The following DSCAM variants were observed in gnomAD, a reference collection of about 807,000 sequenced individuals.
The protein encoded by DSCAM is DS cell adhesion molecule.
DSCAM carries 47 observed loss-of-function variants against 217.7 expected under a neutral mutation model. The ratio of observed to expected loss-of-function variants is 0.22; its 90% CI spans 0.17 to 0.28. The LOEUF (loss-of-function observed/expected upper bound fraction) is 0.28. DSCAM is among the 10% of genes least tolerant of loss of function. DSCAM has a pLI of 1.00. For synonymous variants in DSCAM, 1,056 were observed against 1,015.3 expected (o/e 1.04, Z -0.76); for missense variants, 2,080 against 2,618.3 (o/e 0.79, Z 4.49).
chr21:40,311,118 G>C (rs369270588), intron 9 of DSCAM, among the ~76,000 whole-genome samples: 314 of 152,270 alleles, frequency 2.1e-3, no homozygotes, highest in Middle Eastern at 6.8e-3. Flanking sequence ...TCCTGCTCAA[G>C]AAAGAGCTAT....
At chr21:40,467,960 C>T (rs1431778130) in intron 3 of DSCAM, among the ~76,000 whole-genome samples, 1 of 147,104 alleles carries the variant, frequency 6.8e-6, no homozygotes, top group East Asian at 2.0e-4. Context: ...AACTACATAG[C>T]TCCCTCACAA....
chr21:40,325,985 G>C (rs2074313172), intron 8 of DSCAM, among the ~76,000 whole-genome samples: 1 of 152,040 alleles, frequency 6.6e-6, no homozygotes, highest in South Asian at 2.1e-4. Context: ...GCTGGGTGGG[G>C]GGCAAACTAA....
At chr21:40,319,449 G>A (rs2074236002) in intron 8 of DSCAM, among the ~76,000 whole-genome samples, 1 of 152,164 alleles carries the variant, frequency 6.6e-6, no homozygotes, top group Admixed American at 6.6e-5. Context: ...GTGTGTGTGT[G>A]TGTATGTGTG....
intron 3 of DSCAM, among the ~76,000 whole-genome samples, chr21:40,546,530 C>A (rs2146144755): frequency 6.6e-6 from 1 of 152,308 alleles, no homozygotes; most frequent in Non-Finnish European, 1.5e-5. Context: ...GGTGACAATA[C>A]CTATGCCACC....
chr21:40,378,983 A>G (rs1205843213), intron 3 of DSCAM, among the ~76,000 whole-genome samples: 1 of 152,222 alleles, frequency 6.6e-6, no homozygotes, highest in Admixed American at 6.5e-5. Flanking sequence ...CAGTTACATA[A>G]AAGACAGTAA....
chr21:40,616,159 A>T (rs1371048047), intron 3 of DSCAM, among the ~76,000 whole-genome samples: 1 of 152,178 alleles, frequency 6.6e-6, no homozygotes, highest in Non-Finnish European at 1.5e-5. Flanking sequence ...AAGGTTACTG[A>T]AGAAAGCACA....
intron 11 of DSCAM, among the ~76,000 whole-genome samples, chr21:40,220,835 A>T (rs1398844594): frequency 6.6e-6 from 1 of 152,188 alleles, no homozygotes; most frequent in East Asian, 1.9e-4. Flanking sequence ...GCACCCAACC[A>T]AAAGGTGGTC....
chr21:40,711,730 C>T (rs1416463345), intron 1 of DSCAM, among the ~76,000 whole-genome samples: 1 of 152,242 alleles, frequency 6.6e-6, no homozygotes. Context: ...CTCCACAAGC[C>T]TGGCCCCCTC....
chr21:40,020,855 G>C (rs901971679), intron 32 of DSCAM, among the ~76,000 whole-genome samples: 2 of 152,148 alleles, frequency 1.3e-5, no homozygotes, highest in Non-Finnish European at 2.9e-5. Context: ...GACTTCTTTG[G>C]GCTGTAATGG....
intron 5 of DSCAM, 70 bp downstream of exon 5, chr21:40,353,395 A>T: frequency 6.4e-7 from 1 of 1,564,518 alleles, no homozygotes; most frequent in Non-Finnish European, 8.6e-7. Context: ...GAAAACATGG[A>T]GATTTGCTTA....
intron 3 of DSCAM, among the ~76,000 whole-genome samples, chr21:40,547,049 A>G (rs987250747): frequency 9.9e-5 from 15 of 152,138 alleles, no homozygotes; most frequent in Admixed American, 7.9e-4. Flanking sequence ...AAGCAGAGCA[A>G]CTAAGACAGA....
chr21:40,606,038 C>A (rs1268002442), intron 3 of DSCAM, among the ~76,000 whole-genome samples: 1 of 151,882 alleles, frequency 6.6e-6, no homozygotes, highest in Non-Finnish European at 1.5e-5. Flanking sequence ...TGAACTCAGG[C>A]GAACCACCCA....
chr21:40,776,565 C>T (rs1448958033), intron 1 of DSCAM, among the ~76,000 whole-genome samples: 1 of 152,098 alleles, frequency 6.6e-6, no homozygotes, highest in East Asian at 1.9e-4. Flanking sequence ...AAAGGCCCTG[C>T]AGACAGAGAG....
intron 11 of DSCAM, among the ~76,000 whole-genome samples, chr21:40,243,908 G>A (rs187596450): frequency 1.6e-4 from 25 of 152,252 alleles, no homozygotes; most frequent in South Asian, 2.1e-4. Context: ...GACCTCTGAC[G>A]GTGACGGGGT....
intron 1 of DSCAM, among the ~76,000 whole-genome samples, chr21:40,760,610 C>G (rs1183312568): frequency 6.6e-6 from 1 of 152,232 alleles, no homozygotes; most frequent in African/African-American, 2.4e-5. Context: ...CAGTTTCAAG[C>G]AGGCAAGAGT....
At position 40,381,889 on chromosome 21, in the gene DSCAM, T is replaced by G. The variant is rs555171007; in HGVS notation, c.509-12644A>C. Among the ~76,000 whole-genome samples, 3 of 152,340 alleles carry G rather than the reference T, an allele frequency of 2.0e-5. No individual in the cohort carries two copies. In the South Asian group the frequency reaches 6.2e-4, roughly 32 times the overall value. ...GTGTATCAAATAGTGGTGATAAATATTCTGCAGCTTGTTTCAGTACACCTG... is the reference window on the plus strand; with the variant it reads ...GTGTATCAAATAGTGGTGATAAATAGTCTGCAGCTTGTTTCAGTACACCTG... On this transcript the variant is annotated intron_variant, in intron 3 of 32. Coordinates refer to ENST00000400454, the MANE Select transcript of DSCAM (RefSeq NM_001389.5).
chr21:40,277,725 C>G (rs2073706500), intron 10 of DSCAM, among the ~76,000 whole-genome samples: 1 of 151,062 alleles, frequency 6.6e-6, no homozygotes, highest in South Asian at 2.1e-4. Flanking sequence ...CTTCCGCCTC[C>G]TGGGTTCAAG....
intron 11 of DSCAM, among the ~76,000 whole-genome samples, chr21:40,205,323 C>A (rs1286387755): frequency 6.6e-6 from 1 of 152,184 alleles, no homozygotes; most frequent in Non-Finnish European, 1.5e-5. Flanking sequence ...TACTCTTGGG[C>A]CTGGTGCAGT....
chr21:40,079,124 T>A (rs1601308153), intron 25 of DSCAM, 147 bp from the exon 26 acceptor site: 1 of 837,206 alleles, frequency 1.2e-6, no homozygotes, highest in Non-Finnish European at 1.8e-6. Context: ...ACTTGTCCCC[T>A]GTTAATAGAG....
Sources: gnomAD v4.1 joint callset for allele counts (sites outside exome capture counted in the v4.1 genomes callset) on GRCh38, gnomAD v4.1.1 for gene constraint, MANE v1.5 for transcripts, NCBI Gene and HGNC (gene_info 2026-07-23, HGNC 2026-07-21) for gene names.